PTPRD: variants seen among roughly 807,000 people sequenced by gnomAD.
The protein encoded by PTPRD is protein tyrosine phosphatase receptor type D, also known as receptor-type tyrosine-protein phosphatase delta.
PTPRD carries 34 observed loss-of-function variants against 214.5 expected under a neutral mutation model. The observed-to-expected ratio is 0.16, with a 90% CI of 0.12 to 0.21. The LOEUF (loss-of-function observed/expected upper bound fraction) is 0.21. PTPRD is among the 10% of genes least tolerant of loss of function. The pLI is 1.00. For missense variants in PTPRD, 2,545 were observed against 2,398.7 expected (o/e 1.06, Z -1.27); for synonymous variants, 1,128 against 845.7 (o/e 1.33, Z -5.79).
intron 4 of PTPRD, among the ~76,000 whole-genome samples, chr9:10,004,103 G>C (rs1052099963): frequency 2.0e-5 from 3 of 151,782 alleles, no homozygotes; most frequent in African/African-American, 7.2e-5. Context: ...ATTATACTCA[G>C]CATGTGGCTA....
At chr9:10,513,966 A>T (rs2049139452) in intron 2 of PTPRD, among the ~76,000 whole-genome samples, 2 of 152,150 alleles carry the variant, frequency 1.3e-5, no homozygotes, top group African/African-American at 2.4e-5. Context: ...AGGCACACAG[A>T]TGGAGAATCA....
intron 2 of PTPRD, among the ~76,000 whole-genome samples, chr9:10,591,690 C>T (rs1648681335): frequency 6.6e-6 from 1 of 152,018 alleles, no homozygotes; most frequent in Non-Finnish European, 1.5e-5. Context: ...ATATGCCAGC[C>T]TCATGGAATT....
intron 5 of PTPRD, among the ~76,000 whole-genome samples, chr9:9,889,397 TA>T (rs902672438): frequency 2.6e-5 from 4 of 152,018 alleles, no homozygotes; most frequent in Admixed American, 6.6e-5. Flanking sequence ...ATTTTTCAAT[TA>T]AAAAATACAA....
intron 9 of PTPRD, among the ~76,000 whole-genome samples, chr9:9,388,121 G>A (rs961728663): frequency 3.9e-5 from 6 of 152,284 alleles, no homozygotes; most frequent in African/African-American, 1.4e-4. Flanking sequence ...GGGGGAGCCA[G>A]AAGGGAAACT....
In PTPRD at chr9:8,316,087, A is replaced by G; in HGVS notation, c.*1787T>C. The G allele has an allele frequency of 4.3e-6, 1 of 229,924 alleles. No individual in the cohort carries two copies. Among genetic ancestry groups the G allele is most frequent in the Non-Finnish European group, 8.6e-6 (1 of 115,666 alleles). 14.2% of individuals were successfully genotyped at this position (229,924 alleles called of 1,614,324 possible). A position where few individuals can be genotyped will look rare whatever the true frequency, so the allele number is the denominator to read the frequency against. ...GCGGATTTGGAAGGGAATATAAATA[A>G]AACAAGTAGCTTTTTCTGATGTTGA... is the stretch of plus-strand genomic sequence containing the variant. On this transcript the variant is annotated 3_prime_UTR_variant, in exon 46 of 46. Coordinates refer to ENST00000381196, the MANE Select transcript of PTPRD (RefSeq NM_002839.4).
intron 26 of PTPRD, among the ~76,000 whole-genome samples, chr9:8,494,824 G>T (rs2097225742): frequency 6.6e-6 from 1 of 152,086 alleles, no homozygotes; most frequent in African/African-American, 2.4e-5. Context: ...TCCTTTCTTG[G>T]ATTACATTTT....
intron 3 of PTPRD, among the ~76,000 whole-genome samples, chr9:10,055,031 T>C (rs2097600656): frequency 6.6e-6 from 1 of 152,066 alleles, no homozygotes. Flanking sequence ...TCTTTCCCTC[T>C]CTTTTTCTAT....
At chr9:9,505,523 CATT>C (rs1431177536) in intron 8 of PTPRD, among the ~76,000 whole-genome samples, 1 of 151,338 alleles carries the variant, frequency 6.6e-6, no homozygotes, top group Non-Finnish European at 1.5e-5. Context: ...GTGTAGCTGT[CATT>C]ATTATTTGAG....
At chr9:9,524,789 A>G (rs1471202085) in intron 8 of PTPRD, among the ~76,000 whole-genome samples, 1 of 152,142 alleles carries the variant, frequency 6.6e-6, no homozygotes, top group African/African-American at 2.4e-5. Context: ...TAGAACTTGA[A>G]ATCTCCGAAT....
At chr9:9,559,190 C>A (rs987864651) in intron 8 of PTPRD, among the ~76,000 whole-genome samples, 1 of 152,160 alleles carries the variant, frequency 6.6e-6, no homozygotes, top group Non-Finnish European at 1.5e-5. Context: ...CCCATCAACA[C>A]ACCCATCCCG....
At chr9:9,605,753 G>A (rs1000419193) in intron 7 of PTPRD, among the ~76,000 whole-genome samples, 2 of 152,032 alleles carry the variant, frequency 1.3e-5, no homozygotes, top group African/African-American at 4.8e-5. Flanking sequence ...AAAATTTTCA[G>A]TTGTTACAAA....
intron 14 of PTPRD, among the ~76,000 whole-genome samples, chr9:8,627,128 C>G (rs1294255967): frequency 1.3e-5 from 2 of 151,794 alleles, no homozygotes. Flanking sequence ...ATCCATGTAG[C>G]ATTTTACACA....
intron 8 of PTPRD, among the ~76,000 whole-genome samples, chr9:9,514,376 C>A (rs529686910): frequency 3.9e-5 from 6 of 152,138 alleles, no homozygotes; most frequent in African/African-American, 1.4e-4. Context: ...GTCCTGGCAA[C>A]TGTCAGTTTG....
chr9:10,097,494 G>C (rs2098503214), intron 3 of PTPRD, among the ~76,000 whole-genome samples: 1 of 151,338 alleles, frequency 6.6e-6, no homozygotes, highest in Non-Finnish European at 1.5e-5. Context: ...TATTCTCTTT[G>C]AAGCAATTGT....
intron 3 of PTPRD, among the ~76,000 whole-genome samples, chr9:10,050,653 A>C (rs1379209308): frequency 1.3e-5 from 2 of 151,680 alleles, no homozygotes; most frequent in African/African-American, 4.8e-5. Flanking sequence ...ACAAAACTTA[A>C]GGAAATGTTC....
chr9:8,659,852 G>A (rs2096996444), intron 12 of PTPRD, among the ~76,000 whole-genome samples: 1 of 152,112 alleles, frequency 6.6e-6, no homozygotes, highest in African/African-American at 2.4e-5. Context: ...CCTCTTCAAT[G>A]ATGATATTTG....
intron 10 of PTPRD, among the ~76,000 whole-genome samples, chr9:9,066,369 C>A (rs2099734048): frequency 1.3e-5 from 2 of 152,072 alleles, no homozygotes; most frequent in South Asian, 4.2e-4. Flanking sequence ...TATTTCCTAT[C>A]TTTTCTTGTG....
intron 5 of PTPRD, among the ~76,000 whole-genome samples, chr9:9,780,062 A>C (rs1191275434): frequency 6.6e-6 from 1 of 152,232 alleles, no homozygotes; most frequent in Non-Finnish European, 1.5e-5. Context: ...CATATACACC[A>C]TGGAATAATA....
intron 9 of PTPRD, among the ~76,000 whole-genome samples, chr9:9,378,139 A>T (rs894420705): frequency 6.6e-6 from 1 of 152,084 alleles, no homozygotes; most frequent in East Asian, 1.9e-4. Context: ...CACTTTATGG[A>T]TGTATATTAC....
Sources: allele counts gnomAD v4.1 joint callset (sites outside exome capture counted in the v4.1 genomes callset), GRCh38; gene constraint gnomAD v4.1.1; transcripts MANE v1.5; gene names NCBI Gene and HGNC (gene_info 2026-07-23, HGNC 2026-07-21).